Variants in GET3 observed in about 807,000 individuals in gnomAD.
The protein encoded by GET3 is guided entry of tail-anchored proteins factor 3, ATPase, also known as ATPase GET3.
Under a neutral mutation model 32.4 loss-of-function variants are expected in GET3, and 15 were observed. The ratio of observed to expected loss-of-function variants is 0.46; its 90% CI spans 0.31 to 0.71. The LOEUF (loss-of-function observed/expected upper bound fraction) is 0.71, where lower values mean the gene tolerates loss of function less well. GET3 is among the 30% of genes least tolerant of loss of function. The pLI, the probability that GET3 is intolerant of heterozygous loss-of-function variation, is 0.05. For missense variants in GET3, 333 were observed against 459.0 expected (o/e 0.73, Z 2.51); for synonymous variants, 198 against 185.6 (o/e 1.07, Z -0.54).
intron 2 of GET3, among the ~76,000 whole-genome samples, chr19:12,741,159 T>A (rs1173246929): frequency 2.0e-5 from 3 of 151,326 alleles, no homozygotes; most frequent in Admixed American, 1.3e-4. Context: ...CCATCTCTAC[T>A]AAAAATACAA....
chr19:12,738,473 C>T, intron 1 of GET3, 38 bp from the exon 2 acceptor site: 1 of 1,611,274 alleles, frequency 6.2e-7, no homozygotes, highest in Non-Finnish European at 8.5e-7. Flanking sequence ...CAGAGCCCAT[C>T]CCCTCATCCC....
At chr19:12,744,597 G>T (rs540494244) in intron 2 of GET3, among the ~76,000 whole-genome samples, 1 of 152,186 alleles carries the variant, frequency 6.6e-6, no homozygotes, top group Admixed American at 6.6e-5. Flanking sequence ...TGGAATTACA[G>T]GCATGAGGTA....
At chr19:12,737,394 G>A (rs2145682865), upstream of GET3, 10 of 1,303,504 alleles carry the variant, frequency 7.7e-6, no homozygotes, top group East Asian at 2.9e-5. Flanking sequence ...TAAAAGGCAA[G>A]TAATGAGGAA....
intron 2 of GET3, among the ~76,000 whole-genome samples, chr19:12,739,230 C>T (rs993117496): frequency 1.3e-5 from 2 of 151,964 alleles, no homozygotes; most frequent in African/African-American, 2.4e-5. Context: ...TGCAGTAACC[C>T]GATCTAGGCT....
At chr19:12,743,306 C>T (rs1967703364) in intron 2 of GET3, among the ~76,000 whole-genome samples, 1 of 151,514 alleles carries the variant, frequency 6.6e-6, no homozygotes. Flanking sequence ...AGAGAAGCCC[C>T]GTCTCTACTA....
chr19:12,739,092 G>C (rs1040589627), intron 2 of GET3, among the ~76,000 whole-genome samples: 9 of 152,168 alleles, frequency 5.9e-5, no homozygotes, highest in African/African-American at 1.7e-4. Context: ...GAGATTGGGG[G>C]TGTAACCAGT....
chr19:12,744,509 G>A (rs1464734042), intron 2 of GET3, among the ~76,000 whole-genome samples: 5 of 151,958 alleles, frequency 3.3e-5, no homozygotes, highest in East Asian at 3.9e-4. Flanking sequence ...TAGTAGAGAC[G>A]GGGTTTCACC....
At position 12,737,595 on chromosome 19, in the gene GET3, C is replaced by T; in HGVS notation, c.90C>T (p.Asn30=). ...DVEPLEPTLS[N]IIEQRSLKWI... ...AGCCGCTGGAGCCTACACTTAGCAA[C>T]ATCATCGAGCAGCGCAGCCTGAAGT... Residue 30 remains asparagine, a synonymous_variant, in exon 1 of 7, where the codon AAC becomes AAT. Transcript: ENST00000357332. The T allele has an allele frequency of 6.2e-7, 1 of 1,612,222 alleles. No individual in the cohort carries two copies. Among genetic ancestry groups the T allele is most frequent in the Non-Finnish European group, 8.5e-7 (1 of 1,179,392 alleles).
rs751672698 is a variant in GET3 at position 12,747,022 on chromosome 19, A to AG, written c.610-175_610-174insG. On this transcript the variant is annotated intron_variant, in intron 4 of 6. Transcript: ENST00000357332. The surrounding 1 kb of genome is among the most constrained non-coding windows in gnomAD (Gnocchi z 4.0). ...GAGACTCCATTTCAAAAAAAAAAAA[A>AG]AAAGAAAGAAAGAAATGGAAAAGCT... Among the ~76,000 whole-genome samples the AG allele has an allele frequency of 4.6e-5, 7 of 151,176 alleles. No individual in the cohort carries two copies. The highest frequency in any genetic ancestry group is 2.1e-4 in the South Asian group (1 of 4,790).
At position 12,748,048 on chromosome 19, in the gene GET3, G is replaced by C. The variant is rs765139229; in HGVS notation, c.991G>C (p.Val331Leu). Residue 331 changes from valine to leucine, a missense_variant, in exon 7 of 7, where the codon GTC (valine) becomes CTC (leucine). Transcript: ENST00000357332. ...CCATGAGGTGCGGGGGGCAGACAAG[G>C]TCAACACCTTCTCGGCCCTCCTCCT... The part of the protein sequence containing the change: ...LPHEVRGADK[V>L]NTFSALLLEP... 24 of 1,611,992 alleles carry C rather than the reference G, an allele frequency of 1.5e-5. No homozygotes were observed. The highest frequency in any genetic ancestry group is 1.9e-5 in the Non-Finnish European group (22 of 1,178,620).
At position 12,748,051 on chromosome 19, in the gene GET3, A is replaced by C. The variant is rs1304973866; in HGVS notation, c.994A>C (p.Asn332His). The change falls in exon 7 of 7, where the codon AAC (asparagine) becomes CAC (histidine). Residue 332 changes from asparagine to histidine, a missense_variant. By Grantham distance (68) the Asn-to-His change is moderately conservative (BLOSUM62 1). Around this residue, in one of 3 missense-constraint regions of GET3, gnomAD observed 39 missense variants for 33.0 expected, o/e 1.18. Transcript: ENST00000357332. ...TGAGGTGCGGGGGGCAGACAAGGTC[A>C]ACACCTTCTCGGCCCTCCTCCTGGA... Reference protein sequence around the residue: ...PHEVRGADKVNTFSALLLEPY... With the variant: ...PHEVRGADKVHTFSALLLEPY... 1 of 1,612,014 alleles carries C rather than the reference A, an allele frequency of 6.2e-7. No homozygotes were observed. The highest frequency in any genetic ancestry group is 8.5e-7 in the Non-Finnish European group (1 of 1,178,614).
chr19:12,738,300 C>A (rs896592764), intron 1 of GET3, among the ~76,000 whole-genome samples: 8 of 152,100 alleles, frequency 5.3e-5, no homozygotes, highest in African/African-American at 1.9e-4. Context: ...CTGAACCTTA[C>A]CTCTCTAGTC....
Position 12,747,619 on chromosome 19 carries a change from C to T in GET3, c.915+27C>T, listed in dbSNP as rs1166587905. The stretch of plus-strand genomic sequence containing the variant: ...TGTGCCCACCCACCCAGCACTGGCT[C>T]AGCAGAGGCACCTCTGCCCCTTTAT... On this transcript the variant is annotated intron_variant, in intron 6 of 6. Coordinates refer to ENST00000357332, the MANE Select transcript of GET3 (RefSeq NM_004317.4). The surrounding 1 kb of genome is among the most constrained non-coding windows in gnomAD (Gnocchi z 4.0). 5.0e-6 allele frequency: 8 copies of T among 1,605,618 alleles called. No individual in the cohort carries two copies.
rs747733089 is a variant in GET3, at chr19:12,745,493, C to T, written c.426C>T (p.Ile142=). 2.2e-5 allele frequency: 35 copies of T among 1,613,052 alleles called. No individual in the cohort carries two copies. The Admixed American group carries it at 4.3e-4, about 20-fold the overall frequency. The change falls in exon 3 of 7, where the codon ATC becomes ATT. Residue 142 remains isoleucine (I), a synonymous_variant. Coordinates refer to ENST00000357332, the MANE Select transcript of GET3 (RefSeq NM_004317.4). This position sits in a 1 kb window ranked among gnomAD's most constrained non-coding sequence, Gnocchi z 5.0. The stretch of plus-strand genomic sequence containing the variant: ...AGGCCATGAGCGCATTTCCCGGCAT[C>T]GATGAGGCCATGAGCTATGCCGAGG... ...MQEAMSAFPG[I]DEAMSYAEVM...
intron 1 of GET3, among the ~76,000 whole-genome samples, chr19:12,738,110 T>C (rs781282131): frequency 2.0e-5 from 3 of 152,108 alleles, no homozygotes; most frequent in Non-Finnish European, 4.4e-5. Context: ...GAGGTGTCCG[T>C]TGGACAGATT....
chr19:12,741,239 A>C (rs1022123641), intron 2 of GET3, among the ~76,000 whole-genome samples: 2 of 139,686 alleles, frequency 1.4e-5, no homozygotes, highest in African/African-American at 5.4e-5. Context: ...GGCGGATCAC[A>C]AAGTCAGGAG....
chr19:12,737,480 G>T (rs769636554), upstream of GET3: 3 of 1,487,042 alleles, frequency 2.0e-6, no homozygotes, highest in Non-Finnish European at 1.8e-6. Context: ...GGTGCGCTCC[G>T]CTGGATCACG....
intron 2 of GET3, among the ~76,000 whole-genome samples, chr19:12,740,001 C>T (rs915955653): frequency 2.0e-5 from 3 of 151,514 alleles, no homozygotes; most frequent in African/African-American, 4.9e-5. Context: ...CCTCAGCCTC[C>T]GGAGTTGCTG....
intron 1 of GET3, 37 bp downstream of exon 1, chr19:12,737,703 G>T: frequency 6.3e-7 from 1 of 1,575,768 alleles, no homozygotes. Flanking sequence ...AGGCGTGTAG[G>T]ATATACCACT....
Sources: gnomAD v4.1 joint callset for allele counts (sites outside exome capture counted in the v4.1 genomes callset) on GRCh38, gnomAD v4.1.1 for gene constraint, gnomAD v4.1.1 regional missense constraint, Gnocchi (gnomAD v3.1) non-coding constraint, MANE v1.5 for transcripts, NCBI Gene and HGNC (gene_info 2026-07-23, HGNC 2026-07-21) for gene names.